The following DIAPH3 variants were observed in gnomAD, a reference collection of about 807,000 sequenced individuals.
DIAPH3 encodes the protein diaphanous related formin 3.
In DIAPH3, 117 loss-of-function variants were observed where a neutral mutation model predicts 144.3. That is an observed-to-expected ratio of 0.81 (90% CI 0.70 to 0.95). The LOEUF (loss-of-function observed/expected upper bound fraction) is 0.95, where lower values mean the gene tolerates loss of function less well. Among genes scored for constraint, DIAPH3 ranks in the 40% least tolerant of loss-of-function variants. The pLI is 0.00. For missense variants in DIAPH3, 1,421 were observed against 1,412.7 expected (o/e 1.01, Z -0.09); for synonymous variants, 519 against 488.9 (o/e 1.06, Z -0.81).
At chr13:60,095,571 G>C (rs1594651889) in intron 3 of DIAPH3, among the ~76,000 whole-genome samples, 1 of 151,788 alleles carries the variant, frequency 6.6e-6, no homozygotes, top group Admixed American at 6.6e-5. Context: ...AGGGCAGCTA[G>C]GGATTGCTTT....
intron 17 of DIAPH3, among the ~76,000 whole-genome samples, chr13:59,930,879 A>T (rs1211240033): frequency 6.6e-6 from 1 of 152,168 alleles, no homozygotes; most frequent in Non-Finnish European, 1.5e-5. Context: ...AGGGAAGGAG[A>T]GTGTGGATGA....
chr13:59,672,025 G>A (rs1385863818), intron 27 of DIAPH3, among the ~76,000 whole-genome samples: 1 of 152,174 alleles, frequency 6.6e-6, no homozygotes, highest in African/African-American at 2.4e-5. Context: ...AAAGACACAG[G>A]AAACTGGGAA....
intron 27 of DIAPH3, among the ~76,000 whole-genome samples, chr13:59,725,619 C>G (rs2138941482): frequency 6.6e-6 from 1 of 152,246 alleles, no homozygotes; most frequent in South Asian, 2.1e-4. Context: ...TGATTCCATC[C>G]TGAACAGGCT....
intron 5 of DIAPH3, among the ~76,000 whole-genome samples, chr13:60,031,231 G>C (rs2054767587): frequency 6.6e-6 from 1 of 152,000 alleles, no homozygotes. Flanking sequence ...GGCTGGAGAG[G>C]GGGTGGGGAG....
chr13:59,794,764 C>T (rs1048139778), intron 25 of DIAPH3, among the ~76,000 whole-genome samples: 1 of 152,204 alleles, frequency 6.6e-6, no homozygotes, highest in African/African-American at 2.4e-5. Context: ...CCACCTCAGC[C>T]TCCCAAAGTG....
chr13:60,111,663 C>A (rs1485208561), intron 3 of DIAPH3, among the ~76,000 whole-genome samples: 1 of 152,156 alleles, frequency 6.6e-6, no homozygotes, highest in Non-Finnish European at 1.5e-5. Flanking sequence ...ATCTCCACCA[C>A]CCCCCAAACG....
chr13:59,840,494 A>G (rs1423490418), intron 22 of DIAPH3, among the ~76,000 whole-genome samples: 1 of 152,162 alleles, frequency 6.6e-6, no homozygotes, highest in African/African-American at 2.4e-5. Context: ...TTGGTTCAAA[A>G]GAATAAAATA....
chr13:60,033,022 C>A (rs190734648), intron 5 of DIAPH3, among the ~76,000 whole-genome samples: 10 of 152,338 alleles, frequency 6.6e-5, no homozygotes, highest in Admixed American at 5.2e-4. Flanking sequence ...TGAAGTTCAA[C>A]CTTCCACAAA....
intron 20 of DIAPH3, among the ~76,000 whole-genome samples, chr13:59,910,443 A>G (rs1463334532): frequency 1.3e-5 from 2 of 152,252 alleles, no homozygotes; most frequent in African/African-American, 4.8e-5. Context: ...AAGTTTTAGA[A>G]AAGGCCGGGT....
intron 5 of DIAPH3, among the ~76,000 whole-genome samples, chr13:60,035,880 T>C (rs559377407): frequency 6.6e-6 from 1 of 152,348 alleles, no homozygotes; most frequent in South Asian, 2.1e-4. Flanking sequence ...CTAATATTTT[T>C]AATTTACCAG....
chr13:60,048,439 T>G (rs1200220055), intron 4 of DIAPH3, among the ~76,000 whole-genome samples: 1 of 152,234 alleles, frequency 6.6e-6, no homozygotes, highest in African/African-American at 2.4e-5. Context: ...AATAATCACA[T>G]GAGGACATGT....
At chr13:60,044,561 T>C (rs2141210133) in intron 4 of DIAPH3, among the ~76,000 whole-genome samples, 1 of 152,260 alleles carries the variant, frequency 6.6e-6, no homozygotes, top group Admixed American at 6.5e-5. Flanking sequence ...CTTTTTGCTC[T>C]GAATTACCAA....
At chr13:60,131,467 A>C (rs2138224475) in intron 2 of DIAPH3, among the ~76,000 whole-genome samples, 1 of 150,506 alleles carries the variant, frequency 6.6e-6, no homozygotes, top group Middle Eastern at 3.4e-3. Context: ...AAAACAAATG[A>C]AGTACTGATA....
chr13:59,773,038 T>C (rs1298680499), intron 27 of DIAPH3, among the ~76,000 whole-genome samples: 2 of 152,132 alleles, frequency 1.3e-5, no homozygotes, highest in Non-Finnish European at 2.9e-5. Context: ...TTGTAAAATA[T>C]GTCACAATGG....
At chr13:60,153,289 A>G (rs1349875883) in intron 1 of DIAPH3, 1 of 152,164 alleles carries the variant, frequency 6.6e-6, no homozygotes, top group Non-Finnish European at 1.5e-5. Flanking sequence ...AGAAAAATGA[A>G]TATAGAAGCT....
intron 4 of DIAPH3, among the ~76,000 whole-genome samples, chr13:60,059,999 A>AGAGTACTAC (rs1222798156): frequency 1.3e-5 from 2 of 151,984 alleles, no homozygotes; most frequent in African/African-American, 4.8e-5. Flanking sequence ...TCGCACAATT[A>AGAGTACTAC]TTTGCCTCCA....
intron 22 of DIAPH3, among the ~76,000 whole-genome samples, chr13:59,853,141 A>G (rs1334109626): frequency 6.6e-6 from 1 of 152,110 alleles, no homozygotes; most frequent in Non-Finnish European, 1.5e-5. Context: ...TGGGGTTTCA[A>G]CTCCAGGTGA....
intron 24 of DIAPH3, among the ~76,000 whole-genome samples, chr13:59,814,014 G>A (rs1373069797): frequency 6.6e-6 from 1 of 151,964 alleles, no homozygotes; most frequent in Non-Finnish European, 1.5e-5. Flanking sequence ...GATAGAGAAA[G>A]GAAAAGCAAA....
intron 3 of DIAPH3, among the ~76,000 whole-genome samples, chr13:60,110,217 A>G (rs2138054434): frequency 6.6e-6 from 1 of 152,338 alleles, no homozygotes; most frequent in African/African-American, 2.4e-5. Flanking sequence ...ATGATAAATA[A>G]GAACAATCAT....
Sources: gnomAD v4.1 joint callset for allele counts (sites outside exome capture counted in the v4.1 genomes callset) on GRCh38, gnomAD v4.1.1 for gene constraint, MANE v1.5 for transcripts, NCBI Gene and HGNC (gene_info 2026-07-23, HGNC 2026-07-21) for gene names.